Variants in PTPRO observed in about 807,000 individuals in gnomAD.
PTPRO encodes the protein receptor-type tyrosine-protein phosphatase O.
Under a neutral mutation model 145.2 loss-of-function variants are expected in PTPRO, and 62 were observed. That is an observed-to-expected ratio of 0.43 (90% confidence interval 0.35 to 0.53). The LOEUF (loss-of-function observed/expected upper bound fraction) is 0.53, where lower values mean the gene tolerates loss of function less well. Ranked by LOEUF, PTPRO falls within the 20% of genes least tolerant of loss-of-function variation. The pLI is 0.01. For missense variants in PTPRO, 1,345 were observed against 1,482.7 expected, an observed-to-expected ratio of 0.91 and a Z score of 1.53; for synonymous variants, 565 against 514.7, an observed-to-expected ratio of 1.10 and a Z score of -1.32.
At position 15,501,914 on chromosome 12, in the gene PTPRO, T is replaced by C. The variant is rs1427765037; in HGVS notation, c.956T>C (p.Met319Thr). Residue 319 changes from methionine (M) to threonine (T), a missense_variant, in exon 5 of 27, where the codon ATG becomes ACG. Physicochemically the swap from Met to Thr is moderately conservative, Grantham distance 81. This residue lies in a region of PTPRO where 1,130 missense variants were observed against 1,214.7 expected (regional missense o/e 0.93). Transcript: ENST00000281171. ...GATGAATTTGTCAGCGTACTTCCCA[T>C]GGAATACGAAAATAACAGTACACTC... ...SEDEFVSVLPMEYENNSTLSE... is the reference protein window; with the variant it reads ...SEDEFVSVLPTEYENNSTLSE... The C allele has an allele frequency of 1.9e-6, 3 of 1,613,956 alleles. No homozygotes were observed. Among genetic ancestry groups the C allele is most frequent in the African/African-American group, 2.7e-5 (2 of 74,906 alleles).
intron 23 of PTPRO, among the ~76,000 whole-genome samples, chr12:15,585,102 A>G (rs17762578): frequency 0.025 from 3,789 of 152,294 alleles, 73 homozygotes; most frequent in Non-Finnish European, 0.039. Context: ...CTACAATTTA[A>G]TGATTTCCTG....
In PTPRO at chr12:15,503,896, T is replaced by C. The variant is rs770477397; in HGVS notation, c.1106-12T>C. On this transcript the variant is annotated splice_polypyrimidine_tract_variant and intron_variant, in intron 5 of 26. Coordinates refer to ENST00000281171, the MANE Select transcript of PTPRO (RefSeq NM_030667.3). The stretch of plus-strand genomic sequence containing the variant: ...CTATTCATGTATCTTCTCTTTTTTA[T>C]ATATGATTTAGAGAACTTTACTGAA... The C allele has an allele frequency of 7.1e-6, 11 of 1,554,306 alleles. No individual in the cohort carries two copies. In the South Asian group the frequency reaches 7.8e-5, roughly 11 times the overall value.
At chr12:15,523,326 C>G (rs1352063158) in intron 10 of PTPRO, among the ~76,000 whole-genome samples, 1 of 152,204 alleles carries the variant, frequency 6.6e-6, no homozygotes. Context: ...AACCAACATA[C>G]ACCTGGAATT....
At chr12:15,565,830 T>C (rs1456134964) in intron 18 of PTPRO, among the ~76,000 whole-genome samples, 1 of 152,178 alleles carries the variant, frequency 6.6e-6, no homozygotes, top group East Asian at 1.9e-4. Flanking sequence ...AGAAATCACA[T>C]CAGAAATAAG....
At chr12:15,373,848 C>T (rs2136263601) in intron 1 of PTPRO, among the ~76,000 whole-genome samples, 1 of 152,214 alleles carries the variant, frequency 6.6e-6, no homozygotes, top group East Asian at 1.9e-4. Flanking sequence ...AATTCATAAC[C>T]TGTGTTCCAG....
chr12:15,484,291 C>G (rs750449633), intron 2 of PTPRO, 44 bp downstream of exon 2: 1 of 1,608,398 alleles, frequency 6.2e-7, no homozygotes, highest in South Asian at 1.1e-5. Context: ...CTTATTGTTC[C>G]CCTGTTTCTT....
At chr12:15,367,928 A>G (rs1938411587) in intron 1 of PTPRO, among the ~76,000 whole-genome samples, 1 of 152,170 alleles carries the variant, frequency 6.6e-6, no homozygotes, top group African/African-American at 2.4e-5. Context: ...GCCCTGGGCA[A>G]TAGTGCCTTC....
intron 17 of PTPRO, among the ~76,000 whole-genome samples, chr12:15,562,462 C>T (rs1301096182): frequency 1.3e-5 from 2 of 152,138 alleles, no homozygotes; most frequent in Non-Finnish European, 1.5e-5. Flanking sequence ...TCTAAACTGT[C>T]GGTTTCTTGG....
chr12:15,478,151 C>T (rs965919590), intron 1 of PTPRO, among the ~76,000 whole-genome samples: 5 of 152,188 alleles, frequency 3.3e-5, no homozygotes, highest in Admixed American at 1.3e-4. Context: ...GAGCAGACTG[C>T]ACATAGGGCC....
At chr12:15,350,126 T>G (rs934755558) in intron 1 of PTPRO, among the ~76,000 whole-genome samples, 1 of 152,220 alleles carries the variant, frequency 6.6e-6, no homozygotes, top group African/African-American at 2.4e-5. Flanking sequence ...ATATAAATGT[T>G]GGAGAAATCT....
Position 15,508,949 on chromosome 12 carries a change from T to C in PTPRO, c.1464+182T>C, listed in dbSNP as rs372731673. Among the ~76,000 whole-genome samples, 338 of 152,334 alleles carry C rather than the reference T, an allele frequency of 2.2e-3. 1 individual carries two copies. The highest frequency in any genetic ancestry group is 7.9e-3 in the African/African-American group (328 of 41,592). Reference sequence around the variant, plus strand: ...TGGCAATGGCTTTTTGATGGCACTGTCATCTCCCTTTCTCTTCAGAGGAGG... The same window carrying C: ...TGGCAATGGCTTTTTGATGGCACTGCCATCTCCCTTTCTCTTCAGAGGAGG... On this transcript the variant is annotated intron_variant, in intron 7 of 26. Coordinates refer to ENST00000281171, the MANE Select transcript of PTPRO (RefSeq NM_030667.3).
intron 1 of PTPRO, among the ~76,000 whole-genome samples, chr12:15,459,029 G>A (rs1009691627): frequency 2.6e-5 from 4 of 152,242 alleles, no homozygotes; most frequent in African/African-American, 9.6e-5. Context: ...TCTCAAATCT[G>A]TATGCTAGGC....
intron 17 of PTPRO, among the ~76,000 whole-genome samples, chr12:15,560,578 T>G (rs1439595336): frequency 6.6e-6 from 1 of 152,098 alleles, no homozygotes; most frequent in Non-Finnish European, 1.5e-5. Context: ...CTTTCCATTT[T>G]CCATTATCAT....
chr12:15,327,381 G>A (rs1866474889), intron 1 of PTPRO, among the ~76,000 whole-genome samples: 1 of 152,068 alleles, frequency 6.6e-6, no homozygotes, highest in Non-Finnish European at 1.5e-5. Context: ...TACAATTTCA[G>A]CTAGTACCCA....
intron 1 of PTPRO, among the ~76,000 whole-genome samples, chr12:15,360,093 G>A (rs1393700629): frequency 6.6e-6 from 1 of 151,998 alleles, no homozygotes; most frequent in African/African-American, 2.4e-5. Context: ...ATCAAATGTG[G>A]GCCCTTCCCT....
At chr12:15,554,366 G>GTA (rs1286812967) in intron 15 of PTPRO, among the ~76,000 whole-genome samples, 10 of 151,292 alleles carry the variant, frequency 6.6e-5, no homozygotes, top group Admixed American at 1.3e-4. Context: ...GTACATAGTA[G>GTA]TATATATATA....
intron 1 of PTPRO, among the ~76,000 whole-genome samples, chr12:15,456,259 T>C (rs1941174665): frequency 6.6e-6 from 1 of 152,202 alleles, no homozygotes; most frequent in South Asian, 2.1e-4. Flanking sequence ...TCTATTAACA[T>C]GGTATATCAC....
intron 25 of PTPRO, among the ~76,000 whole-genome samples, chr12:15,592,707 T>C (rs1463765421): frequency 6.6e-6 from 1 of 152,244 alleles, no homozygotes; most frequent in East Asian, 1.9e-4. Context: ...ATTTCTCTTC[T>C]GTAAAATATG....
Position 15,497,412 on chromosome 12 carries a change from C to T in PTPRO, c.508+9C>T. 1 of 1,612,120 alleles carries T rather than the reference C, an allele frequency of 6.2e-7. No individual in the cohort carries two copies. The highest frequency in any genetic ancestry group is 1.1e-5 in the South Asian group (1 of 91,048). ...GACAATGCTATATAAAGGTAAGCAGCAAAAGGAAAGCTGAATCAATGATGA... is the reference window on the plus strand; with the variant it reads ...GACAATGCTATATAAAGGTAAGCAGTAAAAGGAAAGCTGAATCAATGATGA... On this transcript the variant is annotated intron_variant, in intron 3 of 26. Coordinates refer to ENST00000281171, the MANE Select transcript of PTPRO (RefSeq NM_030667.3).
Sources: gnomAD v4.1 joint callset for allele counts (sites outside exome capture counted in the v4.1 genomes callset) on GRCh38, gnomAD v4.1.1 for gene constraint, gnomAD v4.1.1 regional missense constraint, MANE v1.5 for transcripts, NCBI Gene and HGNC (gene_info 2026-07-23, HGNC 2026-07-21) for gene names.